POLN: variants seen among roughly 807,000 people sequenced by gnomAD.
POLN encodes DNA polymerase nu.
Under a neutral mutation model 113.5 loss-of-function variants are expected in POLN, and 108 were observed. That is an observed-to-expected ratio of 0.95 (90% CI 0.81 to 1.12). The LOEUF is 1.12. Ranked by LOEUF, POLN falls within the 50% of genes most tolerant of loss-of-function variation. The pLI, the probability that POLN is intolerant of heterozygous loss-of-function variation, is 0.00. For synonymous variants in POLN, 386 were observed against 391.5 expected, an observed-to-expected ratio of 0.99 and a Z score of 0.17; for missense variants, 1,097 against 1,077.1, an observed-to-expected ratio of 1.02 and a Z score of -0.26.
intron 3 of POLN, among the ~76,000 whole-genome samples, chr4:2,214,136 T>G (rs952242164): frequency 3.3e-5 from 5 of 151,990 alleles, no homozygotes; most frequent in Admixed American, 6.6e-5. Context: ...CTTGGGAGGC[T>G]GAGGCAGGAG....
chr4:2,081,509 G>C lies in POLN; in HGVS notation c.2308+124C>G, dbSNP rs1054457054. On this transcript the variant is annotated intron_variant, in intron 22 of 25. Transcript: ENST00000511885. ...CAGGACATGGGTAGTGTAAGCTCCT[G>C]CAAGGAGGTTTGTGATGAGCAGGAA... The C allele has an allele frequency of 1.6e-5, 15 of 914,940 alleles. No individual in the cohort carries two copies. In the East Asian group the frequency reaches 3.7e-4, roughly 23 times the overall value. 56.7% of individuals were successfully genotyped at this position (914,940 alleles called of 1,614,324 possible).
intron 13 of POLN, among the ~76,000 whole-genome samples, chr4:2,159,842 C>T (rs2108741632): frequency 6.6e-6 from 1 of 152,236 alleles, no homozygotes; most frequent in South Asian, 2.1e-4. Context: ...ATTTGCACGG[C>T]TGTGTAGTAT....
intron 13 of POLN, among the ~76,000 whole-genome samples, chr4:2,164,263 A>C (rs1238327132): frequency 6.6e-6 from 1 of 152,124 alleles, no homozygotes; most frequent in Non-Finnish European, 1.5e-5. Context: ...GCACTTTGGG[A>C]GGCAGAGGTG....
chr4:2,191,344 G>A (rs868453067), intron 7 of POLN, among the ~76,000 whole-genome samples: 1 of 152,124 alleles, frequency 6.6e-6, no homozygotes, highest in African/African-American at 2.4e-5. Context: ...GTAAGGGGGC[G>A]GTGGGTGGGA....
chr4:2,181,409 G>A (rs371003852), intron 7 of POLN, among the ~76,000 whole-genome samples: 5 of 152,036 alleles, frequency 3.3e-5, no homozygotes, highest in African/African-American at 9.6e-5. Context: ...GCCTCCCAAA[G>A]TGCTGGGATT....
intron 19 of POLN, among the ~76,000 whole-genome samples, chr4:2,112,611 T>C (rs374210590): frequency 0.13 from 20,184 of 152,208 alleles, 1,531 homozygotes; most frequent in Non-Finnish European, 0.17. Context: ...AAGACATTTA[T>C]GCAGCAAAAA....
At position 2,072,001 on chromosome 4, in the gene POLN, A is replaced by T. The variant is rs574000143; in HGVS notation, c.*113T>A. 3.2e-6 allele frequency: 4 copies of T among 1,239,950 alleles called. No individual in the cohort carries two copies. 76.8% of individuals were successfully genotyped at this position (1,239,950 alleles called of 1,614,324 possible). On this transcript the variant is annotated 3_prime_UTR_variant, in exon 26 of 26. Coordinates refer to ENST00000511885, the MANE Select transcript of POLN (RefSeq NM_181808.4). Reference sequence around the variant, plus strand: ...CATTTACTCCAGGGGATGGCGGGCCACCCCAGCCCCAAAGGGTTAATGCGT... The same window carrying T: ...CATTTACTCCAGGGGATGGCGGGCCTCCCCAGCCCCAAAGGGTTAATGCGT...
At chr4:2,075,600 C>G (rs1420630285) in intron 23 of POLN, 81 bp from the exon 24 acceptor site, 1 of 1,490,786 alleles carries the variant, frequency 6.7e-7, no homozygotes, top group African/African-American at 1.4e-5. Context: ...GGGAGGGAGT[C>G]AACCTGGGAG....
At chr4:2,238,033 C>A (rs1160327874) in intron 2 of POLN, among the ~76,000 whole-genome samples, 2 of 152,122 alleles carry the variant, frequency 1.3e-5, no homozygotes, top group East Asian at 1.9e-4. Flanking sequence ...AGATTAGATG[C>A]TTTTACCCTA....
chr4:2,236,147 T>A, intron 2 of POLN: 1 of 767,652 alleles, frequency 1.3e-6, no homozygotes, highest in Non-Finnish European at 2.1e-6. Flanking sequence ...AATATTTTCC[T>A]CATGTTAACA....
rs1181794343 is a variant in POLN at position 2,127,491 on chromosome 4, G to A, written c.1982+622C>T. On this transcript the variant is annotated intron_variant, in intron 19 of 25. Coordinates refer to ENST00000511885, the MANE Select transcript of POLN (RefSeq NM_181808.4). This position sits in a 1 kb window ranked among gnomAD's most constrained non-coding sequence, Gnocchi z 4.7. ...TCCAAGAGCACCTTGACTTTCCTGGGCAGAGGAGAGGGGTGAGAGAGAGCC... is the reference window on the plus strand; with the variant it reads ...TCCAAGAGCACCTTGACTTTCCTGGACAGAGGAGAGGGGTGAGAGAGAGCC... Among the ~76,000 whole-genome samples the A allele has an allele frequency of 6.6e-6, 1 of 152,102 alleles. No individual in the cohort carries two copies. Among genetic ancestry groups the A allele is most frequent in the African/African-American group, 2.4e-5 (1 of 41,410 alleles).
At chr4:2,132,391 G>C (rs1408176167) in intron 16 of POLN, among the ~76,000 whole-genome samples, 1 of 152,090 alleles carries the variant, frequency 6.6e-6, no homozygotes, top group African/African-American at 2.4e-5. Context: ...AGTTCCTAGA[G>C]AAAAGAAAGA....
intron 15 of POLN, 140 bp from the exon 16 acceptor site, chr4:2,156,993 C>T: frequency 4.4e-6 from 3 of 684,702 alleles, no homozygotes; most frequent in Non-Finnish European, 7.7e-6. Flanking sequence ...ACTTCCAACC[C>T]TGAAATGTCC....
chr4:2,079,526 G>A (rs927440368), intron 23 of POLN: 9 of 985,710 alleles, frequency 9.1e-6, no homozygotes, highest in Non-Finnish European at 1.1e-5. Context: ...GTGTGTGCAC[G>A]TGTGTGTTGG....
At chr4:2,133,998 T>C (rs556426430) in intron 16 of POLN, among the ~76,000 whole-genome samples, 7 of 152,336 alleles carry the variant, frequency 4.6e-5, no homozygotes, top group African/African-American at 1.7e-4. Flanking sequence ...GAGCTTTACT[T>C]ATCCAACCTC....
At chr4:2,120,751 T>C (rs1231868004) in intron 19 of POLN, among the ~76,000 whole-genome samples, 4 of 152,150 alleles carry the variant, frequency 2.6e-5, no homozygotes. Flanking sequence ...CACCTTGGCT[T>C]CCCAAAGTGC....
intron 4 of POLN, among the ~76,000 whole-genome samples, chr4:2,210,101 T>C (rs1044303556): frequency 4.6e-5 from 7 of 151,688 alleles, no homozygotes; most frequent in Non-Finnish European, 7.4e-5. Context: ...TCACATGTTA[T>C]GAAAATTTTA....
At chr4:2,217,691 T>G (rs1309329426) in intron 3 of POLN, among the ~76,000 whole-genome samples, 2 of 152,266 alleles carry the variant, frequency 1.3e-5, no homozygotes. Flanking sequence ...TCTAGGAGTC[T>G]GCATTGAGAT....
chr4:2,078,846 G>C, intron 23 of POLN: 9 of 985,486 alleles, frequency 9.1e-6, no homozygotes, highest in Non-Finnish European at 1.1e-5. Context: ...CCAGCTTTCA[G>C]AAGGACTCAG....
Sources: gnomAD v4.1 joint callset for allele counts (sites outside exome capture counted in the v4.1 genomes callset) on GRCh38, gnomAD v4.1.1 for gene constraint, Gnocchi (gnomAD v3.1) non-coding constraint, MANE v1.5 for transcripts, NCBI Gene and HGNC (gene_info 2026-07-23, HGNC 2026-07-21) for gene names.